The following COL13A1 variants were observed in gnomAD, a reference collection of about 807,000 sequenced individuals.
The protein encoded by COL13A1 is collagen alpha-1(XIII) chain.
Under a neutral mutation model 130.9 loss-of-function variants are expected in COL13A1, and 89 were observed. The observed-to-expected ratio is 0.68, with a 90% CI of 0.57 to 0.81. The LOEUF is 0.81. Ranked by LOEUF, COL13A1 falls within the 30% of genes least tolerant of loss-of-function variation. COL13A1 has a pLI of 0.00. For missense variants in COL13A1, 879 were observed against 934.6 expected (o/e 0.94, Z 0.78); for synonymous variants, 402 against 341.6 (o/e 1.18, Z -1.95).
At chr10:69,881,257 A>G (rs1173555235) in intron 7 of COL13A1, among the ~76,000 whole-genome samples, 6 of 152,320 alleles carry the variant, frequency 3.9e-5, no homozygotes, top group African/African-American at 1.4e-4. Context: ...GGGATGGTCT[A>G]ACACAGCCCT....
Position 69,952,894 on chromosome 10 carries a change from A to G in COL13A1, c.2071A>G (p.Lys691Glu). The G allele has an allele frequency of 6.4e-7, 1 of 1,551,406 alleles. No homozygotes were observed. Among genetic ancestry groups the G allele is most frequent in the African/African-American group, 1.4e-5 (1 of 70,476 alleles). Residue 691 changes from lysine to glutamate, a missense_variant, in exon 39 of 41, where the codon AAG becomes GAG. Coordinates refer to ENST00000645393, the MANE Select transcript of COL13A1 (RefSeq NM_001368882.1). ...CCATTATTTACAGGGGGAGAGGGGG[A>G]AGAAAGGCTCTAGAGGGCCTAAAGG... ...GDKGNRGERG[K>E]KGSRGPKGDK...
At chr10:69,896,421 C>G (rs1250702545) in intron 13 of COL13A1, among the ~76,000 whole-genome samples, 1 of 152,190 alleles carries the variant, frequency 6.6e-6, no homozygotes, top group African/African-American at 2.4e-5. Context: ...GTGGATTGGC[C>G]TCGTTGCTCC....
intron 1 of COL13A1, among the ~76,000 whole-genome samples, chr10:69,821,438 T>C (rs1033781384): frequency 1.2e-4 from 18 of 152,214 alleles, no homozygotes; most frequent in Admixed American, 7.2e-4. Flanking sequence ...CCCTTACCTG[T>C]GACATGAACA....
intron 1 of COL13A1, 80 bp from the exon 2 acceptor site, chr10:69,822,289 C>G: frequency 8.8e-7 from 1 of 1,136,266 alleles, no homozygotes; most frequent in East Asian, 3.0e-5. Context: ...TTCCTGCCCT[C>G]CTCGTCAGCC....
At chr10:69,812,395 G>T in intron 1 of COL13A1, among the ~76,000 whole-genome samples, 1 of 152,114 alleles carries the variant, frequency 6.6e-6, no homozygotes, top group African/African-American at 2.4e-5. Flanking sequence ...TAAAATAAGG[G>T]TAATGATAAT....
chr10:69,950,977 T>C (rs3793813), intron 38 of COL13A1, among the ~76,000 whole-genome samples: 17,847 of 152,058 alleles, frequency 0.12, 1,943 homozygotes, highest in African/African-American at 0.28. Flanking sequence ...GCCTCCCGAG[T>C]AGCTAGGATT....
intron 2 of COL13A1, among the ~76,000 whole-genome samples, chr10:69,825,399 T>G (rs1051404296): frequency 6.6e-6 from 1 of 152,232 alleles, no homozygotes; most frequent in African/African-American, 2.4e-5. Flanking sequence ...CTTGATTTAC[T>G]TTTGTCTTGC....
intron 15 of COL13A1, among the ~76,000 whole-genome samples, chr10:69,904,500 T>C (rs1248120154): frequency 1.3e-5 from 2 of 152,098 alleles, no homozygotes; most frequent in African/African-American, 2.4e-5. Flanking sequence ...CACAGCACCA[T>C]GGGCAGAAGG....
intron 31 of COL13A1, among the ~76,000 whole-genome samples, chr10:69,933,950 T>TA (rs1232521827): frequency 1.3e-5 from 2 of 151,950 alleles, no homozygotes; most frequent in Non-Finnish European, 2.9e-5. Context: ...GGCGAACATA[T>TA]AAAAAATGGA....
intron 2 of COL13A1, among the ~76,000 whole-genome samples, chr10:69,866,435 G>A (rs1222267439): frequency 1.3e-5 from 2 of 152,226 alleles, no homozygotes; most frequent in African/African-American, 4.8e-5. Context: ...TTCTCATGCA[G>A]AGGACATCTC....
chr10:69,866,900 G>T (rs1003485311), intron 2 of COL13A1, among the ~76,000 whole-genome samples: 2 of 152,168 alleles, frequency 1.3e-5, no homozygotes, highest in Non-Finnish European at 2.9e-5. Context: ...CGTGGCCAGG[G>T]CACTAGGGGC....
At chr10:69,818,889 A>G (rs1845317299) in intron 1 of COL13A1, among the ~76,000 whole-genome samples, 1 of 152,212 alleles carries the variant, frequency 6.6e-6, no homozygotes, top group Non-Finnish European at 1.5e-5. Flanking sequence ...CCTAGAAAGA[A>G]TGTTTTCCCA....
intron 7 of COL13A1, among the ~76,000 whole-genome samples, chr10:69,883,640 C>T (rs2060345546): frequency 6.6e-6 from 1 of 152,158 alleles, no homozygotes; most frequent in Non-Finnish European, 1.5e-5. Context: ...AGGAACCAGC[C>T]TTGTGGAAGG....
chr10:69,917,209 G>C, intron 17 of COL13A1, 80 bp from the exon 18 acceptor site: 1 of 1,572,962 alleles, frequency 6.4e-7, no homozygotes, highest in Non-Finnish European at 8.7e-7. Flanking sequence ...CTCCAGACAA[G>C]ACATTCTCAC....
chr10:69,814,946 A>T (rs1844061252), intron 1 of COL13A1, among the ~76,000 whole-genome samples: 1 of 152,262 alleles, frequency 6.6e-6, no homozygotes, highest in African/African-American at 2.4e-5. Context: ...TTCAATGTGC[A>T]TAGCTGTTAT....
At chr10:69,938,083 T>A (rs2067175208) in intron 34 of COL13A1, among the ~76,000 whole-genome samples, 1 of 152,196 alleles carries the variant, frequency 6.6e-6, no homozygotes, top group African/African-American at 2.4e-5. Flanking sequence ...ATAGTCTCCA[T>A]TACAGTCCAT....
chr10:69,948,197 G>A (rs1213037479), intron 38 of COL13A1, among the ~76,000 whole-genome samples: 2 of 152,214 alleles, frequency 1.3e-5, no homozygotes, highest in African/African-American at 4.8e-5. Context: ...ATGATTATGT[G>A]TTCTGGGATC....
chr10:69,808,823 C>A (rs1842251681), intron 1 of COL13A1, among the ~76,000 whole-genome samples: 1 of 152,226 alleles, frequency 6.6e-6, no homozygotes, highest in Admixed American at 6.5e-5. Flanking sequence ...TATTAGTCAG[C>A]TCTCCTCGCA....
At chr10:69,920,166 G>A (rs1310649696) in intron 21 of COL13A1, among the ~76,000 whole-genome samples, 1 of 152,194 alleles carries the variant, frequency 6.6e-6, no homozygotes, top group African/African-American at 2.4e-5. Flanking sequence ...TTACCGTTCA[G>A]CTGCTACCCT....
Sources: allele counts gnomAD v4.1 joint callset (sites outside exome capture counted in the v4.1 genomes callset), GRCh38; gene constraint gnomAD v4.1.1; transcripts MANE v1.5; gene names NCBI Gene and HGNC (gene_info 2026-07-23, HGNC 2026-07-21).